The following FSTL4 variants were observed in gnomAD, a reference collection of about 807,000 sequenced individuals.
FSTL4 encodes follistatin like 4, also known as follistatin-related protein 4.
In FSTL4, 28 loss-of-function variants were observed where a neutral mutation model predicts 78.2. That is an observed-to-expected ratio of 0.36 (90% CI 0.27 to 0.49). The LOEUF (loss-of-function observed/expected upper bound fraction) is 0.49, where lower values mean the gene tolerates loss of function less well. Among genes scored for constraint, FSTL4 ranks in the 20% least tolerant of loss-of-function variants. The pLI is 0.98. For missense variants in FSTL4, 922 were observed against 1,084.9 expected, an observed-to-expected ratio of 0.85 and a Z score of 2.11; for synonymous variants, 422 against 440.5, an observed-to-expected ratio of 0.96 and a Z score of 0.53.
rs568972080 is a variant in FSTL4 at position 133,356,170 on chromosome 5, T to TA, written c.410-39519dup. Among the ~76,000 whole-genome samples the TA allele has an allele frequency of 1.8e-3, 277 of 152,342 alleles. 1 individual carries two copies. The highest frequency in any genetic ancestry group is 6.2e-3 in the African/African-American group (258 of 41,578). On this transcript the variant is annotated intron_variant, in intron 4 of 15. Transcript: ENST00000265342. ...TTTTCATGCAGACAGCTATGTACACTACGAAATAATTCTTATTTGCCATAG... is the reference window on the plus strand; with the variant it reads ...TTTTCATGCAGACAGCTATGTACACTAACGAAATAATTCTTATTTGCCATAG...
chr5:133,260,261 G>T (rs573334772), intron 6 of FSTL4, among the ~76,000 whole-genome samples: 57 of 152,176 alleles, frequency 3.7e-4, no homozygotes, highest in African/African-American at 1.3e-3. Context: ...CTCCAAATGG[G>T]GGACTGTGCT....
intron 3 of FSTL4, among the ~76,000 whole-genome samples, chr5:133,406,013 A>G (rs1346412508): frequency 6.6e-6 from 1 of 152,260 alleles, no homozygotes; most frequent in African/African-American, 2.4e-5. Context: ...CACTAACATG[A>G]CAGTGTAGGA....
chr5:133,330,862 T>A (rs1754329116), intron 4 of FSTL4, among the ~76,000 whole-genome samples: 1 of 152,184 alleles, frequency 6.6e-6, no homozygotes, highest in South Asian at 2.1e-4. Flanking sequence ...CTGTGATTTT[T>A]AAAGAACAGC....
chr5:133,608,859 A>G (rs1016080133), intron 1 of FSTL4, among the ~76,000 whole-genome samples: 1 of 152,248 alleles, frequency 6.6e-6, no homozygotes, highest in African/African-American at 2.4e-5. Flanking sequence ...TGAAAATACC[A>G]AAATCTGCCC....
chr5:133,348,420 G>C (rs562196822), intron 4 of FSTL4, among the ~76,000 whole-genome samples: 1 of 152,340 alleles, frequency 6.6e-6, no homozygotes, highest in East Asian at 1.9e-4. Context: ...AAAGGAATTT[G>C]GAGATGAGAA....
chr5:133,524,555 G>A (rs542801986), intron 3 of FSTL4, among the ~76,000 whole-genome samples: 18 of 152,298 alleles, frequency 1.2e-4, no homozygotes, highest in African/African-American at 3.1e-4. Flanking sequence ...ACAACTTCGC[G>A]CAGAGAAGCC....
chr5:133,506,240 A>ATG (rs920823505), intron 3 of FSTL4, among the ~76,000 whole-genome samples: 1 of 152,218 alleles, frequency 6.6e-6, no homozygotes, highest in African/African-American at 2.4e-5. Flanking sequence ...GTTTTAGTCC[A>ATG]TGTGTTTCCC....
chr5:133,313,252 C>T (rs948031807), intron 5 of FSTL4, among the ~76,000 whole-genome samples: 1 of 152,222 alleles, frequency 6.6e-6, no homozygotes, highest in Non-Finnish European at 1.5e-5. Flanking sequence ...CACCCATCAG[C>T]CCTTACCCAT....
chr5:133,216,975 T>G (rs986472259), intron 13 of FSTL4, among the ~76,000 whole-genome samples: 21 of 152,246 alleles, frequency 1.4e-4, no homozygotes, highest in African/African-American at 5.1e-4. Flanking sequence ...TAGTCCTTAT[T>G]ACTTATAGTT....
At chr5:133,227,422 A>G (rs1290336091) in intron 8 of FSTL4, among the ~76,000 whole-genome samples, 1 of 152,196 alleles carries the variant, frequency 6.6e-6, no homozygotes, top group Non-Finnish European at 1.5e-5. Flanking sequence ...CTTGATTCAA[A>G]GAGGAAAGAA....
the FSTL4 span, among the ~76,000 whole-genome samples, chr5:133,798,821 C>T: frequency 6.6e-6 from 1 of 152,110 alleles, no homozygotes; most frequent in Non-Finnish European, 1.5e-5. Flanking sequence ...GTTCTGTCTG[C>T]CTCCCCCACC....
intron 6 of FSTL4, among the ~76,000 whole-genome samples, chr5:133,250,722 C>A (rs1752202820): frequency 2.0e-5 from 3 of 152,232 alleles, no homozygotes; most frequent in Admixed American, 2.0e-4. Flanking sequence ...GGAGCGAAAA[C>A]AGCCGCAGGT....
At position 133,209,950 on chromosome 5, in the gene FSTL4, T is replaced by C. The variant is rs3828693; in HGVS notation, c.1716+241A>G. The C allele has an allele frequency of 1.8e-3, 721 of 391,976 alleles. 9 individuals carry two copies. The East Asian group carries it at 0.026, about 14-fold the overall frequency. 24.3% of individuals were successfully genotyped at this position (391,976 alleles called of 1,614,324 possible). ...GCAGGATTGTGGGGCTGGATGGGGA[T>C]TGGGTGCCACATTCTGATTGTTGTG... On this transcript the variant is annotated intron_variant, in intron 14 of 15. Transcript: ENST00000265342.
chr5:133,261,201 C>A (rs1752511471), intron 6 of FSTL4, among the ~76,000 whole-genome samples: 1 of 152,138 alleles, frequency 6.6e-6, no homozygotes, highest in Non-Finnish European at 1.5e-5. Flanking sequence ...GTTTCCTGGG[C>A]AGGTTAATTC....
At chr5:133,623,831 C>A in the FSTL4 span, among the ~76,000 whole-genome samples, 1 of 151,966 alleles carries the variant, frequency 6.6e-6, no homozygotes, top group Non-Finnish European at 1.5e-5. Flanking sequence ...ACAAACATTT[C>A]TTCAGAGAAG....
intron 3 of FSTL4, among the ~76,000 whole-genome samples, chr5:133,478,758 G>C (rs1410103359): frequency 6.6e-6 from 1 of 151,988 alleles, no homozygotes; most frequent in Non-Finnish European, 1.5e-5. Flanking sequence ...ACACACACGA[G>C]TGCAGTTTCT....
the FSTL4 span, among the ~76,000 whole-genome samples, chr5:133,683,541 G>A: frequency 6.6e-6 from 1 of 152,150 alleles, no homozygotes; most frequent in Admixed American, 6.5e-5. Flanking sequence ...TGATAGAGAA[G>A]TCGGCACGTT....
At chr5:133,397,618 C>A (rs550195692) in intron 4 of FSTL4, among the ~76,000 whole-genome samples, 5 of 152,148 alleles carry the variant, frequency 3.3e-5, no homozygotes, top group African/African-American at 7.2e-5. Flanking sequence ...TGTGTCCCCC[C>A]ACCAGTCCTC....
intron 4 of FSTL4, among the ~76,000 whole-genome samples, chr5:133,354,290 C>T (rs979912823): frequency 3.3e-5 from 5 of 152,178 alleles, no homozygotes; most frequent in Non-Finnish European, 7.3e-5. Context: ...TGAGCCAGCG[C>T]CATTTGGCCC....
Sources: allele counts gnomAD v4.1 joint callset (sites outside exome capture counted in the v4.1 genomes callset), GRCh38; gene constraint gnomAD v4.1.1; transcripts MANE v1.5; gene names NCBI Gene and HGNC (gene_info 2026-07-23, HGNC 2026-07-21).